The following UGT2B4 variants were observed in gnomAD, a reference collection of about 807,000 sequenced individuals.
UGT2B4 encodes the protein UDP glucuronosyltransferase family 2 member B4, also known as UDP-glucuronosyltransferase 2B4.
A neutral mutation model predicts 49.8 loss-of-function variants in UGT2B4; 49 were observed. The observed-to-expected ratio is 0.98, with a 90% CI of 0.78 to 1.25. The LOEUF (loss-of-function observed/expected upper bound fraction) is 1.25. Among genes scored for constraint, UGT2B4 ranks in the 50% most tolerant of loss-of-function variants. The pLI is 0.00. For missense variants in UGT2B4, 729 were observed against 627.7 expected (o/e 1.16, Z -1.73); for synonymous variants, 246 against 217.7 (o/e 1.13, Z -1.14).
intron 1 of UGT2B4, among the ~76,000 whole-genome samples, chr4:69,509,001 T>C (rs767985278): frequency 8.5e-5 from 13 of 152,128 alleles, no homozygotes; most frequent in Non-Finnish European, 1.5e-4. Context: ...TCCTAGTCAC[T>C]GGAAGCCAAC....
At chr4:69,510,634 A>G (rs1594585) in intron 1 of UGT2B4, among the ~76,000 whole-genome samples, 144,243 of 152,126 alleles carry the variant, frequency 0.95, 68,863 homozygotes, top group East Asian at 1. Flanking sequence ...ATTATTTTTT[A>G]TTAGTATACA....
upstream of UGT2B4, among the ~76,000 whole-genome samples, chr4:69,497,612 T>C (rs543147437): frequency 5.3e-4 from 81 of 152,316 alleles, 2 homozygotes; most frequent in South Asian, 0.013. Context: ...AGTAAACTGC[T>C]GCAATCTCGT....
chr4:69,485,281 C>G lies in UGT2B4; in HGVS notation c.1237G>C (p.Val413Leu). The change falls in exon 5 of 6, where the codon GTT becomes CTT. Residue 413 changes from valine to leucine, a missense_variant. Physicochemically the swap from Val to Leu is conservative, Grantham distance 32. Coordinates refer to ENST00000305107, the MANE Select transcript of UGT2B4 (RefSeq NM_021139.3). Reference sequence around the variant, plus strand: ...GACATTGTGTGGAAGTCCAAACTAACAGCTGCTCCCTTGGCCTTCATGTGT... The same window carrying G: ...GACATTGTGTGGAAGTCCAAACTAAGAGCTGCTCCCTTGGCCTTCATGTGT... Reference protein sequence around the residue: ...IAHMKAKGAAVSLDFHTMSST... With the variant: ...IAHMKAKGAALSLDFHTMSST... 1.9e-6 allele frequency: 3 copies of G among 1,613,870 alleles called. No individual in the cohort carries two copies. The highest frequency in any genetic ancestry group is 2.5e-6 in the Non-Finnish European group (3 of 1,179,866).
Position 69,485,214 on chromosome 4 carries a change from T to A in UGT2B4, c.1304A>T (p.Asp435Val). 1 of 1,613,672 alleles carries A rather than the reference T, an allele frequency of 6.2e-7. No individual in the cohort carries two copies. The highest frequency in any genetic ancestry group is 8.5e-7 in the Non-Finnish European group (1 of 1,179,834). ...LLNALKTVINDPLYKENAMKL... is the reference protein window; with the variant it reads ...LLNALKTVINVPLYKENAMKL... ...AAAAAAAAGTTATACTCACAAAGGA[T>A]CATTAATTACTGTCTTCAGTGCATT... Residue 435 changes from aspartate to valine, a missense_variant, in exon 5 of 6, where the codon GAT becomes GTT. By Grantham distance (152) the Asp-to-Val change is radical (BLOSUM62 -3). Coordinates refer to ENST00000305107, the MANE Select transcript of UGT2B4 (RefSeq NM_021139.3).
intron 1 of UGT2B4, among the ~76,000 whole-genome samples, chr4:69,522,016 A>G (rs1728861391): frequency 3.3e-5 from 5 of 152,200 alleles, no homozygotes; most frequent in Admixed American, 2.6e-4. Flanking sequence ...AGCCTTTTTT[A>G]TCCAAGATTT....
rs182996520 is a variant in UGT2B4, at chr4:69,509,295, C to A, written c.-105-13329G>T. 8.6e-4 allele frequency among the ~76,000 whole-genome samples: 131 copies of A among 151,868 alleles called. 1 individual carries two copies. The highest frequency in any genetic ancestry group is 2.9e-3 in the African/African-American group (121 of 41,410). ...GAAGCAATTCTCCTGCGTCAGCCTCCTGAGTAGCTGGGACTACAGGCGCAT... is the reference window on the plus strand; with the variant it reads ...GAAGCAATTCTCCTGCGTCAGCCTCATGAGTAGCTGGGACTACAGGCGCAT... On this transcript the variant is annotated intron_variant, in intron 1 of 1. Transcript: ENST00000510114.
In UGT2B4 at chr4:69,510,069, T is replaced by C. The variant is rs77261037; in HGVS notation, c.-105-14103A>G. Among the ~76,000 whole-genome samples the C allele has an allele frequency of 3.8e-3, 574 of 152,272 alleles. 7 individuals carry two copies. The highest frequency in any genetic ancestry group is 0.036 in the East Asian group (189 of 5,184). On this transcript the variant is annotated intron_variant, in intron 1 of 1. Coordinates refer to the UGT2B4 transcript ENST00000510114. ...AGGATAAAATTTTATTTATCTTTTG[T>C]GGATATCCAGTGTTCATAGTACCAT...
chr4:69,486,957 C>T (rs1438430548), intron 3 of UGT2B4, among the ~76,000 whole-genome samples: 1 of 152,074 alleles, frequency 6.6e-6, no homozygotes. Flanking sequence ...AGTTGTTACA[C>T]TTTTCAAAAG....
chr4:69,518,702 T>C (rs914169566), intron 1 of UGT2B4, among the ~76,000 whole-genome samples: 3 of 152,140 alleles, frequency 2.0e-5, no homozygotes, highest in African/African-American at 4.8e-5. Context: ...CACTGAAACA[T>C]ACACACATAA....
intron 1 of UGT2B4, among the ~76,000 whole-genome samples, chr4:69,502,359 T>C (rs1452379195): frequency 6.6e-6 from 1 of 151,854 alleles, no homozygotes; most frequent in African/African-American, 2.4e-5. Flanking sequence ...TCTGACTGTG[T>C]TAGACCTCCC....
intron 1 of UGT2B4, among the ~76,000 whole-genome samples, chr4:69,520,308 G>C (rs1403507024): frequency 6.6e-6 from 1 of 152,218 alleles, no homozygotes; most frequent in African/African-American, 2.4e-5. Flanking sequence ...ACAGCTCTCA[G>C]CCCGTACGAC....
chr4:69,500,586 A>C (rs142059499), upstream of UGT2B4, among the ~76,000 whole-genome samples: 294 of 113,924 alleles, frequency 2.6e-3, 5 homozygotes, highest in Admixed American at 0.019. Context: ...AGAAAGCAAG[A>C]AAGCAAGCAA....
chr4:69,506,418 A>G (rs1728469141), intron 1 of UGT2B4, among the ~76,000 whole-genome samples: 1 of 152,190 alleles, frequency 6.6e-6, no homozygotes, highest in Non-Finnish European at 1.5e-5. Context: ...TGACAGAAAT[A>G]AAAACAACCA....
At chr4:69,492,403 G>A (rs962344103) in intron 2 of UGT2B4, among the ~76,000 whole-genome samples, 1 of 152,026 alleles carries the variant, frequency 6.6e-6, no homozygotes, top group Non-Finnish European at 1.5e-5. Context: ...ATCGGTAAGG[G>A]ATTATTTTCT....
chr4:69,516,975 T>C (rs1728750093), intron 1 of UGT2B4, among the ~76,000 whole-genome samples: 1 of 152,120 alleles, frequency 6.6e-6, no homozygotes, highest in Non-Finnish European at 1.5e-5. Flanking sequence ...CTTGGAGTTG[T>C]TTTTCTTGAA....
intron 1 of UGT2B4, among the ~76,000 whole-genome samples, chr4:69,520,289 C>T (rs536704490): frequency 2.0e-5 from 3 of 152,178 alleles, no homozygotes; most frequent in South Asian, 4.1e-4. Flanking sequence ...ATTTAATTCA[C>T]TATTGATGAC....
upstream of UGT2B4, among the ~76,000 whole-genome samples, chr4:69,500,653 G>GAAAGAAAGAAAGAA (rs1728292032): frequency 8.2e-6 from 1 of 122,592 alleles, no homozygotes. Flanking sequence ...AAGAAAGAAA[G>GAAAGAAAGAAAGAA]AAAGAAAGAA....
At chr4:69,515,656 A>G (rs1728710677) in intron 1 of UGT2B4, among the ~76,000 whole-genome samples, 1 of 152,182 alleles carries the variant, frequency 6.6e-6, no homozygotes, top group African/African-American at 2.4e-5. Flanking sequence ...AATAACCAAG[A>G]TTAGAACTTA....
chr4:69,505,339 C>A (rs541508523), intron 1 of UGT2B4, among the ~76,000 whole-genome samples: 7 of 152,146 alleles, frequency 4.6e-5, no homozygotes, highest in African/African-American at 1.4e-4. Context: ...ATCTCACCTG[C>A]AATGGCATAC....
Sources: gnomAD v4.1 joint callset for allele counts (sites outside exome capture counted in the v4.1 genomes callset) on GRCh38, gnomAD v4.1.1 for gene constraint, MANE v1.5 for transcripts, NCBI Gene and HGNC (gene_info 2026-07-23, HGNC 2026-07-21) for gene names.